Variants in RPS6KA5 observed in about 807,000 individuals in gnomAD.
The protein encoded by RPS6KA5 is ribosomal protein S6 kinase A5, also known as ribosomal protein S6 kinase alpha-5.
RPS6KA5 carries 27 observed loss-of-function variants against 85.5 expected under a neutral mutation model. The ratio of observed to expected loss-of-function variants is 0.32; its 90% CI spans 0.23 to 0.44. The LOEUF (loss-of-function observed/expected upper bound fraction) is 0.44. Ranked by LOEUF, RPS6KA5 falls within the 20% of genes least tolerant of loss-of-function variation. The probability of loss-of-function intolerance (pLI) is 1.00; values close to 1 mark genes in which losing one functional copy is unlikely to be tolerated. For missense variants in RPS6KA5, 811 were observed against 980.9 expected, an observed-to-expected ratio of 0.83 and a Z score of 2.31; for synonymous variants, 334 against 348.2, an observed-to-expected ratio of 0.96 and a Z score of 0.46.
rs537202677 is a variant in RPS6KA5, at chr14:90,849,447, T to G, written c.*22627A>C. 6.6e-6 allele frequency: 1 copy of G among 152,254 alleles called. No individual in the cohort carries two copies. Among genetic ancestry groups the G allele is most frequent in the African/African-American group, 2.4e-5 (1 of 41,444 alleles). 9.4% of individuals were successfully genotyped at this position (152,254 alleles called of 1,614,324 possible). A position where few individuals can be genotyped will look rare whatever the true frequency, so the allele number is the denominator to read the frequency against. On this transcript the variant is annotated 3_prime_UTR_variant, in exon 17 of 17. Coordinates refer to ENST00000614987, the MANE Select transcript of RPS6KA5 (RefSeq NM_004755.4). ...GCCTTGGGCTACTACACAGCTGATATGAGTGGACAGCAAAGAGCTGTGTAA... is the reference window on the plus strand; with the variant it reads ...GCCTTGGGCTACTACACAGCTGATAGGAGTGGACAGCAAAGAGCTGTGTAA...
At chr14:90,912,863 T>G (rs1006770959) in intron 7 of RPS6KA5, among the ~76,000 whole-genome samples, 1 of 151,364 alleles carries the variant, frequency 6.6e-6, no homozygotes, top group Non-Finnish European at 1.5e-5. Context: ...GCATGTCTTA[T>G]GTAAGCTATA....
intron 6 of RPS6KA5, 63 bp from the exon 7 acceptor site, chr14:90,920,372 A>G (rs2036342508): frequency 1.8e-6 from 2 of 1,121,840 alleles, no homozygotes. Flanking sequence ...TAAGAAAGAA[A>G]AAATGAATAA....
At chr14:91,037,923 CT>C (rs1454583857) in intron 1 of RPS6KA5, among the ~76,000 whole-genome samples, 1 of 152,190 alleles carries the variant, frequency 6.6e-6, no homozygotes, top group Non-Finnish European at 1.5e-5. Context: ...GGATTACGTG[CT>C]TGAGTATTTA....
chr14:90,985,500 C>T (rs2040019188), intron 2 of RPS6KA5, among the ~76,000 whole-genome samples: 1 of 152,196 alleles, frequency 6.6e-6, no homozygotes, highest in South Asian at 2.1e-4. Context: ...AATGGCTCAA[C>T]CAAGGTGAGA....
intron 1 of RPS6KA5, among the ~76,000 whole-genome samples, chr14:91,016,239 AT>A (rs571687677): frequency 8.8e-4 from 133 of 150,446 alleles, no homozygotes; most frequent in Middle Eastern, 6.8e-3. Context: ...TGGTAAACTA[AT>A]TTTTTTTTTC....
At chr14:91,046,683 A>G (rs1473164068) in intron 1 of RPS6KA5, among the ~76,000 whole-genome samples, 1 of 152,180 alleles carries the variant, frequency 6.6e-6, no homozygotes, top group East Asian at 1.9e-4. Flanking sequence ...AGAAAACCGC[A>G]TCGTACAAAG....
intron 1 of RPS6KA5, among the ~76,000 whole-genome samples, chr14:91,004,045 A>G (rs2040899502): frequency 6.6e-6 from 1 of 152,102 alleles, no homozygotes. Context: ...GCTTGCTATC[A>G]TGTATTCCTT....
At chr14:91,046,441 G>A (rs2042873720) in intron 1 of RPS6KA5, among the ~76,000 whole-genome samples, 1 of 152,124 alleles carries the variant, frequency 6.6e-6, no homozygotes, top group Non-Finnish European at 1.5e-5. Context: ...AAAAAACATA[G>A]GTAAAATCAT....
chr14:90,855,230 T>C lies in RPS6KA5; in HGVS notation c.*16844A>G, dbSNP rs1404907378. On this transcript the variant is annotated 3_prime_UTR_variant, in exon 17 of 17. Transcript: ENST00000614987. ...CTTAGTAAAATGGCAAAATCATGAATGGCATTAATTTTCTGCTATTTTAAA... is the reference window on the plus strand; with the variant it reads ...CTTAGTAAAATGGCAAAATCATGAACGGCATTAATTTTCTGCTATTTTAAA... 1 of 152,208 alleles carries C rather than the reference T, an allele frequency of 6.6e-6. No homozygotes were observed. The highest frequency in any genetic ancestry group is 2.4e-5 in the African/African-American group (1 of 41,444). The allele number at this position is 152,208 out of a possible 1,614,324, so 9.4% of individuals were successfully genotyped here.
At chr14:90,882,931 G>A (rs1672392813) in intron 14 of RPS6KA5, among the ~76,000 whole-genome samples, 2 of 152,080 alleles carry the variant, frequency 1.3e-5, no homozygotes, top group South Asian at 4.2e-4. Context: ...CCGAGTAGCT[G>A]GGATTATAGG....
chr14:91,038,936 A>G (rs1032620187), intron 1 of RPS6KA5, among the ~76,000 whole-genome samples: 1 of 152,198 alleles, frequency 6.6e-6, no homozygotes, highest in Non-Finnish European at 1.5e-5. Flanking sequence ...TATAGTCACA[A>G]GCAATGGGGA....
chr14:90,871,807 T>C lies in RPS6KA5; in HGVS notation c.*267A>G. On this transcript the variant is annotated 3_prime_UTR_variant, in exon 17 of 17. Transcript: ENST00000614987. ...CAGCTCAAATCTAGCCCTAATTAAA[T>C]TTACAGGAACCTTTGCTCTTTCAAG... is the stretch of plus-strand genomic sequence containing the variant. The C allele has an allele frequency of 3.3e-6, 1 of 301,340 alleles. No homozygotes were observed. Among genetic ancestry groups the C allele is most frequent in the Non-Finnish European group, 6.1e-6 (1 of 163,646 alleles). 18.7% of individuals were successfully genotyped at this position (301,340 alleles called of 1,614,324 possible). A position where few individuals can be genotyped will look rare whatever the true frequency, so the allele number is the denominator to read the frequency against.
At chr14:90,983,147 G>A (rs569811601) in intron 2 of RPS6KA5, among the ~76,000 whole-genome samples, 2 of 151,590 alleles carry the variant, frequency 1.3e-5, no homozygotes, top group East Asian at 3.9e-4. Context: ...CGTGGTGGCG[G>A]GTGCCTGGAA....
chr14:90,994,205 T>C (rs1364983795), intron 2 of RPS6KA5, among the ~76,000 whole-genome samples: 1 of 152,204 alleles, frequency 6.6e-6, no homozygotes, highest in Admixed American at 6.5e-5. Context: ...TCCTCTCATA[T>C]GCTATCTCTT....
At chr14:90,951,834 C>A (rs1373992937) in intron 3 of RPS6KA5, among the ~76,000 whole-genome samples, 1 of 152,152 alleles carries the variant, frequency 6.6e-6, no homozygotes, top group Non-Finnish European at 1.5e-5. Context: ...AACACCCAGA[C>A]CTTTGGAAAT....
intron 5 of RPS6KA5, among the ~76,000 whole-genome samples, chr14:90,927,704 A>C (rs1019186526): frequency 3.3e-5 from 5 of 152,150 alleles, no homozygotes; most frequent in African/African-American, 1.2e-4. Flanking sequence ...TTAAAAATAT[A>C]TAAAATAAAA....
intron 6 of RPS6KA5, among the ~76,000 whole-genome samples, chr14:90,921,628 T>C (rs544105027): frequency 1.5e-4 from 23 of 152,360 alleles, no homozygotes; most frequent in African/African-American, 5.3e-4. Context: ...ACCCTCAGAA[T>C]GTTTTGCTGT....
intron 3 of RPS6KA5, among the ~76,000 whole-genome samples, chr14:90,972,141 T>C (rs1385425724): frequency 6.6e-6 from 1 of 152,240 alleles, no homozygotes; most frequent in Non-Finnish European, 1.5e-5. Flanking sequence ...TGTTCTTGAA[T>C]TGGAATAACC....
intron 6 of RPS6KA5, among the ~76,000 whole-genome samples, chr14:90,920,753 A>T (rs1214651706): frequency 1.3e-5 from 2 of 151,908 alleles, no homozygotes; most frequent in Non-Finnish European, 2.9e-5. Flanking sequence ...TTCTTATAGA[A>T]CCTATCACAC....
Sources: gnomAD v4.1 joint callset for allele counts (sites outside exome capture counted in the v4.1 genomes callset) on GRCh38, gnomAD v4.1.1 for gene constraint, MANE v1.5 for transcripts, NCBI Gene and HGNC (gene_info 2026-07-23, HGNC 2026-07-21) for gene names.